The following TMEM272 variants were observed in gnomAD, a reference collection of about 807,000 sequenced individuals.
The protein encoded by TMEM272 is long intergenic non-protein coding RNA 282.
A neutral mutation model predicts 3.7 loss-of-function variants in TMEM272; 8 were observed. The ratio of observed to expected loss-of-function variants is 2.17; its 90% CI spans 1.27 to 3.91. The LOEUF is 3.91. Among genes scored for constraint, TMEM272 ranks in the 30% most tolerant of loss-of-function variants. The pLI, the probability that TMEM272 is intolerant of heterozygous loss-of-function variation, is 0.00. For missense variants in TMEM272, 166 were observed against 91.5 expected (o/e 1.81, Z -3.32); for synonymous variants, 63 against 39.8 (o/e 1.58, Z -2.20).
the TMEM272 span, among the ~76,000 whole-genome samples, chr13:51,920,528 G>T: frequency 6.6e-6 from 1 of 152,142 alleles, no homozygotes; most frequent in Non-Finnish European, 1.5e-5. Context: ...TTGCTCTGCT[G>T]GTGTCTTTGA....
the TMEM272 span, among the ~76,000 whole-genome samples, chr13:51,896,671 C>T: frequency 2.6e-5 from 4 of 152,174 alleles, no homozygotes; most frequent in East Asian, 1.9e-4. Flanking sequence ...ACCCCTGCAG[C>T]GGTCTTCTTA....
At chr13:51,821,655 G>A (rs1353416976) in intron 4 of TMEM272, among the ~76,000 whole-genome samples, 2 of 130,184 alleles carry the variant, frequency 1.5e-5, no homozygotes, top group South Asian at 2.5e-4. Context: ...TCAACAGGAA[G>A]CTTTTTTTTC....
chr13:51,931,269 A>C, the TMEM272 span, among the ~76,000 whole-genome samples: 1 of 149,898 alleles, frequency 6.7e-6, no homozygotes. Context: ...ATGGAATGCT[A>C]TGTAGCCATA....
intron 2 of TMEM272, among the ~76,000 whole-genome samples, chr13:51,832,749 T>G (rs1956183671): frequency 6.6e-6 from 1 of 152,170 alleles, no homozygotes; most frequent in Non-Finnish European, 1.5e-5. Flanking sequence ...CAATAGCAAT[T>G]TGCATGAGGG....
the TMEM272 span, chr13:51,865,889 C>CTTGAGG: frequency 1.2e-6 from 2 of 1,613,546 alleles, no homozygotes; most frequent in Non-Finnish European, 1.7e-6. Flanking sequence ...AAGAGCCCTC[C>CTTGAGG]TTGAGGGGGA....
chr13:51,876,756 G>C, the TMEM272 span, among the ~76,000 whole-genome samples: 1 of 152,156 alleles, frequency 6.6e-6, no homozygotes, highest in Admixed American at 6.5e-5. Flanking sequence ...TTGCTCACTT[G>C]TTTTTGCATG....
chr13:51,863,999 T>G, the TMEM272 span, among the ~76,000 whole-genome samples: 3 of 152,310 alleles, frequency 2.0e-5, no homozygotes, highest in South Asian at 6.2e-4. Context: ...TGTTTGTAGT[T>G]ACAGGGATTG....
chr13:51,928,455 T>C, the TMEM272 span, among the ~76,000 whole-genome samples: 1 of 152,156 alleles, frequency 6.6e-6, no homozygotes, highest in Admixed American at 6.5e-5. Flanking sequence ...ATTATCCCCA[T>C]TTGTGCAGAT....
chr13:51,833,560 A>G (rs1956190802), intron 2 of TMEM272, among the ~76,000 whole-genome samples: 1 of 152,158 alleles, frequency 6.6e-6, no homozygotes. Flanking sequence ...GGAGTAAAGA[A>G]TGACTGAAGT....
the TMEM272 span, among the ~76,000 whole-genome samples, chr13:51,855,200 C>T: frequency 6.9e-4 from 105 of 152,286 alleles, no homozygotes; most frequent in African/African-American, 2.4e-3. Flanking sequence ...CAAGGAGAGG[C>T]TCTGAAAAAC....
the TMEM272 span, among the ~76,000 whole-genome samples, chr13:51,869,411 T>C: frequency 6.6e-6 from 1 of 152,166 alleles, no homozygotes; most frequent in African/African-American, 2.4e-5. Flanking sequence ...GCTCCACCCT[T>C]GTCCCTAAAT....
At chr13:51,934,240 T>A in the TMEM272 span, 3 of 230,706 alleles carry the variant, frequency 1.3e-5, no homozygotes, top group East Asian at 3.0e-4. Context: ...AGGAACAGAC[T>A]ATGTACGAAG....
intron 2 of TMEM272, among the ~76,000 whole-genome samples, chr13:51,830,740 A>T (rs1191014584): frequency 1.3e-5 from 2 of 152,206 alleles, no homozygotes; most frequent in African/African-American, 4.8e-5. Context: ...TGTGGTTCTC[A>T]TGGTGTCTGA....
rs1403183746 is a variant in TMEM272, at chr13:51,813,414, A to G, written c.*3337T>C. On this transcript the variant is annotated 3_prime_UTR_variant, in exon 5 of 5. Coordinates refer to ENST00000629372, the MANE Select transcript of TMEM272 (RefSeq NM_001351003.2). ...CAGAAGGAAATGAAGCACAAGATTC[A>G]GTTACACAAAGATGAAAGCTATTGA... is the stretch of plus-strand genomic sequence containing the variant. 1.8e-5 allele frequency: 7 copies of G among 396,460 alleles called. No individual in the cohort carries two copies. Among genetic ancestry groups the G allele is most frequent in the African/African-American group, 1.4e-4 (7 of 48,602 alleles). 24.6% of individuals were successfully genotyped at this position (396,460 alleles called of 1,614,324 possible). A position where few individuals can be genotyped will look rare whatever the true frequency, so the allele number is the denominator to read the frequency against.
chr13:51,851,199 T>C, the TMEM272 span, among the ~76,000 whole-genome samples: 274 of 152,152 alleles, frequency 1.8e-3, no homozygotes, highest in Middle Eastern at 6.8e-3. Context: ...CTGGGTGTGG[T>C]GGCGTGCACT....
chr13:51,881,336 G>C, the TMEM272 span, among the ~76,000 whole-genome samples: 1 of 151,018 alleles, frequency 6.6e-6, no homozygotes, highest in East Asian at 1.9e-4. Context: ...GGTGTGCCTT[G>C]AAAGTTTATT....
the TMEM272 span, among the ~76,000 whole-genome samples, chr13:51,919,015 T>G: frequency 6.6e-6 from 1 of 152,046 alleles, no homozygotes; most frequent in Admixed American, 6.5e-5. Context: ...TCTGCTCCTT[T>G]CTGAAACCTC....
chr13:51,827,886 T>C (rs9316560), intron 2 of TMEM272, among the ~76,000 whole-genome samples: 24,124 of 152,120 alleles, frequency 0.16, 2,197 homozygotes, highest in African/African-American at 0.25. Context: ...ATGACTTATA[T>C]TGGGAGATTT....
At chr13:51,842,755 T>G (rs1956273220) in intron 1 of TMEM272, among the ~76,000 whole-genome samples, 1 of 152,274 alleles carries the variant, frequency 6.6e-6, no homozygotes, top group African/African-American at 2.4e-5. Context: ...TGTTACCATT[T>G]GGTCTTCAGA....
Sources: gnomAD v4.1 joint callset for allele counts (sites outside exome capture counted in the v4.1 genomes callset) on GRCh38, gnomAD v4.1.1 for gene constraint, MANE v1.5 for transcripts, NCBI Gene and HGNC (gene_info 2026-07-23, HGNC 2026-07-21) for gene names.